Variants in COL21A1 observed in about 807,000 individuals in gnomAD.
The protein encoded by COL21A1 is collagen type XXI alpha 1 chain, also known as collagen alpha-1(XXI) chain.
In COL21A1, 149 loss-of-function variants were observed where a neutral mutation model predicts 137.9. The ratio of observed to expected loss-of-function variants is 1.08; its 90% CI spans 0.95 to 1.24. The LOEUF is 1.24. Among genes scored for constraint, COL21A1 ranks in the 50% most tolerant of loss-of-function variants. COL21A1 has a pLI of 0.00. For synonymous variants in COL21A1, 456 were observed against 391.5 expected, an observed-to-expected ratio of 1.16 and a Z score of -1.95; for missense variants, 1,167 against 1,158.4, an observed-to-expected ratio of 1.01 and a Z score of -0.11.
At chr6:56,290,966 T>C (rs780908950) in intron 1 of COL21A1, among the ~76,000 whole-genome samples, 1 of 152,096 alleles carries the variant, frequency 6.6e-6, no homozygotes, top group Non-Finnish European at 1.5e-5. Context: ...CACCTTTGAA[T>C]AGCACTTCTG....
At chr6:56,337,028 G>C (rs1765343065) in intron 1 of COL21A1, among the ~76,000 whole-genome samples, 1 of 152,130 alleles carries the variant, frequency 6.6e-6, no homozygotes, top group African/African-American at 2.4e-5. Context: ...TCATGGAACT[G>C]CTCTTAGCTC....
intron 10 of COL21A1, among the ~76,000 whole-genome samples, chr6:56,148,943 A>T (rs1193165920): frequency 6.6e-6 from 1 of 152,200 alleles, no homozygotes; most frequent in Non-Finnish European, 1.5e-5. Context: ...TTCTAAAGCA[A>T]ATCTAACACT....
chr6:56,332,637 G>A (rs1475367023), intron 1 of COL21A1, among the ~76,000 whole-genome samples: 2 of 149,152 alleles, frequency 1.3e-5, no homozygotes, highest in Non-Finnish European at 2.9e-5. Flanking sequence ...GCAGAGTAGG[G>A]TCGGAGACTG....
At chr6:56,118,859 AT>A (rs1341650009) in intron 16 of COL21A1, among the ~76,000 whole-genome samples, 1 of 152,118 alleles carries the variant, frequency 6.6e-6, no homozygotes, top group Non-Finnish European at 1.5e-5. Context: ...CTGACAAAGC[AT>A]TTGATAAAAT....
chr6:56,179,608 T>G lies in COL21A1; in HGVS notation c.610A>C (p.Arg204=). The G allele has an allele frequency of 6.2e-7, 1 of 1,611,838 alleles. No homozygotes were observed. Among genetic ancestry groups the G allele is most frequent in the Non-Finnish European group, 8.5e-7 (1 of 1,178,254 alleles). The change falls in exon 3 of 30, where the codon AGG becomes CGG. Residue 204 remains arginine (R), a synonymous_variant. Transcript: ENST00000244728. The part of the protein sequence containing the change: ...VEDYIAISKI[R]EVMKQKLCEE... ...CAAAGTTTCTGCTTCATCACTTCCC[T>G]TATTTTGGATATTGCAATATAGTCT...
chr6:56,124,745 C>T (rs896075042), intron 14 of COL21A1, among the ~76,000 whole-genome samples: 6 of 151,260 alleles, frequency 4.0e-5, no homozygotes, highest in African/African-American at 1.5e-4. Context: ...GGGTTCACGC[C>T]ATTCTCCTGC....
intron 16 of COL21A1, 72 bp downstream of exon 16, chr6:56,123,990 C>T (rs1772783157): frequency 3.1e-6 from 4 of 1,283,856 alleles, no homozygotes; most frequent in South Asian, 1.5e-5. Flanking sequence ...AATATTGGTA[C>T]ATTTTTCTTA....
chr6:56,060,863 A>G (rs1765733165), intron 26 of COL21A1, 28 bp downstream of exon 26: 6 of 1,585,360 alleles, frequency 3.8e-6, no homozygotes, highest in Admixed American at 1.9e-5. Context: ...TGAAAATGTA[A>G]TAACTGTGAA....
intron 2 of COL21A1, among the ~76,000 whole-genome samples, chr6:56,181,953 A>C (rs1777929579): frequency 6.6e-6 from 1 of 152,214 alleles, no homozygotes; most frequent in Non-Finnish European, 1.5e-5. Flanking sequence ...AGTTGAATCA[A>C]ATTGTCAAAC....
chr6:56,234,351 C>T (rs1041484629), intron 1 of COL21A1, among the ~76,000 whole-genome samples: 1 of 151,422 alleles, frequency 6.6e-6, no homozygotes, highest in African/African-American at 2.4e-5. Flanking sequence ...AAATAGAATT[C>T]AAAGCAAAAG....
chr6:56,364,630 C>T (rs1014826473), intron 1 of COL21A1, among the ~76,000 whole-genome samples: 2 of 152,172 alleles, frequency 1.3e-5, no homozygotes, highest in South Asian at 2.1e-4. Context: ...GACAGCTGAG[C>T]TTGGTGCCCT....
At chr6:56,153,332 G>T (rs539823750) in intron 10 of COL21A1, among the ~76,000 whole-genome samples, 147 of 152,060 alleles carry the variant, frequency 9.7e-4, no homozygotes, top group African/African-American at 3.5e-3. Flanking sequence ...CTCCATCCAG[G>T]CCAAGCTCTA....
chr6:56,111,570 A>C (rs1056465782), intron 16 of COL21A1, among the ~76,000 whole-genome samples: 12 of 152,092 alleles, frequency 7.9e-5, no homozygotes, highest in African/African-American at 1.2e-4. Flanking sequence ...ATTATTCCAC[A>C]CTAAAAACTT....
At position 56,077,513 on chromosome 6, in the gene COL21A1, T is replaced by C; in HGVS notation, c.1857+16A>G. Reference sequence around the variant, plus strand: ...GAGCAGATCCAGGCCCAAAGCTAACTCTCATGAATACTTACCTTTTGGCCC... The same window carrying C: ...GAGCAGATCCAGGCCCAAAGCTAACCCTCATGAATACTTACCTTTTGGCCC... On this transcript the variant is annotated intron_variant, in intron 18 of 29. Coordinates refer to ENST00000244728, the MANE Select transcript of COL21A1 (RefSeq NM_030820.4). The C allele has an allele frequency of 6.4e-7, 1 of 1,558,392 alleles. No individual in the cohort carries two copies. Among genetic ancestry groups the C allele is most frequent in the Non-Finnish European group, 8.7e-7 (1 of 1,145,912 alleles).
intron 12 of COL21A1, among the ~76,000 whole-genome samples, chr6:56,134,337 T>A (rs1773816294): frequency 6.6e-6 from 1 of 152,170 alleles, no homozygotes; most frequent in East Asian, 1.9e-4. Context: ...CCCCCTTCGT[T>A]TTGGTCAATT....
chr6:56,116,930 T>A (rs1212701624), intron 16 of COL21A1, among the ~76,000 whole-genome samples: 1 of 151,620 alleles, frequency 6.6e-6, no homozygotes, highest in Non-Finnish European at 1.5e-5. Context: ...GTAAGGCTCA[T>A]AAATACATAC....
intron 1 of COL21A1, among the ~76,000 whole-genome samples, chr6:56,333,969 G>T (rs1765285627): frequency 6.6e-6 from 1 of 151,290 alleles, no homozygotes; most frequent in South Asian, 2.1e-4. Flanking sequence ...TGTTTTGAGG[G>T]TTCTATATAT....
chr6:56,152,898 T>A (rs954758731), intron 10 of COL21A1, among the ~76,000 whole-genome samples: 9 of 152,096 alleles, frequency 5.9e-5, no homozygotes, highest in Non-Finnish European at 4.4e-5. Flanking sequence ...CAGCTGCCAG[T>A]CACAGAAAAA....
chr6:56,077,913 A>C (rs1483522687), intron 17 of COL21A1: 1 of 365,386 alleles, frequency 2.7e-6, no homozygotes, highest in Non-Finnish European at 5.3e-6. Context: ...TCATGCAAGA[A>C]AATCTGTTAA....
Sources: gnomAD v4.1 joint callset for allele counts (sites outside exome capture counted in the v4.1 genomes callset) on GRCh38, gnomAD v4.1.1 for gene constraint, MANE v1.5 for transcripts, NCBI Gene and HGNC (gene_info 2026-07-23, HGNC 2026-07-21) for gene names.